The following PREX2 variants were observed in gnomAD, a reference collection of about 807,000 sequenced individuals.
The protein encoded by PREX2 is phosphatidylinositol 3,4,5-trisphosphate-dependent Rac exchanger 2 protein.
PREX2 carries 107 observed loss-of-function variants against 203.2 expected under a neutral mutation model. The observed-to-expected ratio is 0.53, with a 90% confidence interval of 0.45 to 0.62. The LOEUF (loss-of-function observed/expected upper bound fraction) is 0.62. Ranked by LOEUF, PREX2 falls within the 20% of genes least tolerant of loss-of-function variation. PREX2 has a pLI of 0.00. For missense variants in PREX2, 1,777 were observed against 1,955.9 expected (o/e 0.91, Z 1.72); for synonymous variants, 672 against 663.6 (o/e 1.01, Z -0.19).
chr8:67,952,297 C>A lies in PREX2; in HGVS notation c.-98C>A. ...CTCTCCTCGGAGTTGGCGGAGGCGGCAACTTTCCATTCTCGCCGCCGGGGG... is the reference window on the plus strand; with the variant it reads ...CTCTCCTCGGAGTTGGCGGAGGCGGAAACTTTCCATTCTCGCCGCCGGGGG... On this transcript the variant is annotated 5_prime_UTR_variant, in exon 1 of 40. Transcript: ENST00000288368. The A allele has an allele frequency of 9.1e-7, 1 of 1,097,892 alleles. No individual in the cohort carries two copies. Among genetic ancestry groups the A allele is most frequent in the Non-Finnish European group, 1.2e-6 (1 of 849,362 alleles). The allele number at this position is 1,097,892 out of a possible 1,614,324, so 68.0% of individuals were successfully genotyped here.
intron 34 of PREX2, among the ~76,000 whole-genome samples, chr8:68,156,099 C>A (rs545168496): frequency 6.6e-6 from 1 of 152,072 alleles, no homozygotes; most frequent in Admixed American, 6.6e-5. Context: ...CTTACTCTGT[C>A]CCCCAGACTG....
chr8:67,955,404 C>A (rs964038104), intron 1 of PREX2, among the ~76,000 whole-genome samples: 5 of 152,174 alleles, frequency 3.3e-5, no homozygotes, highest in Admixed American at 6.5e-5. Flanking sequence ...AGCTCTGTGT[C>A]TTCAGCTGGC....
At position 68,077,533 on chromosome 8, in the gene PREX2, C is replaced by A. The variant is rs533937046; in HGVS notation, c.1642+64C>A. On this transcript the variant is annotated intron_variant, in intron 15 of 39. Transcript: ENST00000288368. ...CATCACGTTGGTTCTTAGGATACTGCAACACCCAGTGCTGCAGTGAGGTCA... is the reference window on the plus strand; with the variant it reads ...CATCACGTTGGTTCTTAGGATACTGAAACACCCAGTGCTGCAGTGAGGTCA... 2.6e-6 allele frequency: 3 copies of A among 1,167,124 alleles called. No individual in the cohort carries two copies. The South Asian group carries it at 3.7e-5, about 14-fold the overall frequency. 72.3% of individuals were successfully genotyped at this position (1,167,124 alleles called of 1,614,324 possible). A position where few individuals can be genotyped will look rare whatever the true frequency, so the allele number is the denominator to read the frequency against.
intron 15 of PREX2, 92 bp from the exon 16 acceptor site, chr8:68,080,351 G>T: frequency 9.1e-7 from 1 of 1,096,420 alleles, no homozygotes; most frequent in Non-Finnish European, 1.4e-6. Context: ...GAGGTTATGG[G>T]TGCAGGTATT....
At chr8:68,129,262 A>T (rs1043851659) in intron 31 of PREX2, among the ~76,000 whole-genome samples, 1 of 152,166 alleles carries the variant, frequency 6.6e-6, no homozygotes, top group Non-Finnish European at 1.5e-5. Context: ...AGGTTTGCCA[A>T]TTCCGGAGGT....
chr8:68,190,360 T>C (rs531608898), intron 35 of PREX2, among the ~76,000 whole-genome samples: 2 of 152,210 alleles, frequency 1.3e-5, no homozygotes, highest in South Asian at 2.1e-4. Context: ...TTTAATGCCA[T>C]TGAACTGTAT....
At chr8:68,116,864 A>G (rs1810670341) in intron 26 of PREX2, among the ~76,000 whole-genome samples, 1 of 152,160 alleles carries the variant, frequency 6.6e-6, no homozygotes, top group African/African-American at 2.4e-5. Context: ...AAACTCTGTT[A>G]TTGTCTTCCT....
At chr8:67,958,949 G>A (rs145244551) in intron 1 of PREX2, among the ~76,000 whole-genome samples, 1 of 152,192 alleles carries the variant, frequency 6.6e-6, no homozygotes, top group Non-Finnish European at 1.5e-5. Flanking sequence ...AGATAAGAAT[G>A]TGGAACTTGA....
chr8:67,956,518 A>G (rs1327789754), intron 1 of PREX2, among the ~76,000 whole-genome samples: 4 of 152,206 alleles, frequency 2.6e-5, no homozygotes, highest in Admixed American at 2.6e-4. Flanking sequence ...TGAAAGAAAA[A>G]AGCTTTATAT....
chr8:68,119,619 A>G (rs1428972434), intron 28 of PREX2, 105 bp downstream of exon 28: 4 of 786,442 alleles, frequency 5.1e-6, no homozygotes, highest in South Asian at 4.7e-5. Flanking sequence ...AAAGGCCTCA[A>G]TCTGTCCTTC....
intron 38 of PREX2, among the ~76,000 whole-genome samples, chr8:68,222,322 A>G (rs977747974): frequency 6.6e-6 from 1 of 152,028 alleles, no homozygotes; most frequent in African/African-American, 2.4e-5. Flanking sequence ...AGTCTGGAAC[A>G]TCTTGAGGTG....
At chr8:68,158,203 T>G (rs1420589377) in intron 35 of PREX2, among the ~76,000 whole-genome samples, 2 of 151,304 alleles carry the variant, frequency 1.3e-5, no homozygotes, top group Non-Finnish European at 2.9e-5. Flanking sequence ...TCTTATGAAT[T>G]ACCCTGTTGA....
In PREX2 at chr8:68,224,582, G is replaced by A. The variant is rs756670148; in HGVS notation, c.4731G>A (p.Ala1577=). ...RKQGARVQNT[A]KNLGVRDRTP... is the part of the protein sequence containing the mutation. Reference sequence around the variant, plus strand: ...AGGGAGCAAGAGTTCAGAACACAGCGAAGAATTTGGGAGTCAGAGACCGGA... The same window carrying A: ...AGGGAGCAAGAGTTCAGAACACAGCAAAGAATTTGGGAGTCAGAGACCGGA... Residue 1577 remains alanine, a synonymous_variant, in exon 39 of 40, where the codon GCG becomes GCA. Coordinates refer to ENST00000288368, the MANE Select transcript of PREX2 (RefSeq NM_024870.4). The A allele has an allele frequency of 5.0e-6, 8 of 1,613,854 alleles. No homozygotes were observed. The highest frequency in any genetic ancestry group is 2.2e-5 in the East Asian group (1 of 44,848).
intron 35 of PREX2, among the ~76,000 whole-genome samples, chr8:68,162,218 TA>T (rs146061419): frequency 0.035 from 5,285 of 152,198 alleles, 225 homozygotes; most frequent in Admixed American, 0.098. Flanking sequence ...GTGAAAAACC[TA>T]AAAAGTAAGT....
chr8:68,081,245 A>C (rs1037643536), intron 17 of PREX2, among the ~76,000 whole-genome samples: 2 of 152,124 alleles, frequency 1.3e-5, no homozygotes, highest in Non-Finnish European at 2.9e-5. Context: ...TGCTCGGTTC[A>C]CAATTGGGTT....
intron 11 of PREX2, among the ~76,000 whole-genome samples, chr8:68,068,297 C>T (rs1339477546): frequency 1.3e-5 from 2 of 151,896 alleles, no homozygotes; most frequent in African/African-American, 4.8e-5. Context: ...TGGTAGAATT[C>T]ATCAGTGAAG....
intron 11 of PREX2, among the ~76,000 whole-genome samples, chr8:68,068,579 G>A (rs940544093): frequency 7.9e-5 from 12 of 152,006 alleles, no homozygotes; most frequent in Admixed American, 3.9e-4. Context: ...CAGATACGTG[G>A]TAAAATTCAT....
rs367903794 is a variant in PREX2 at position 68,134,294 on chromosome 8, C to G, written c.3984+18C>G. On this transcript the variant is annotated intron_variant, in intron 32 of 39. Coordinates refer to ENST00000288368, the MANE Select transcript of PREX2 (RefSeq NM_024870.4). ...CAAACTTGGTAAGGAAATCACATGA[C>G]TCCCACTGTCTGTGTCAACTGTAAC... 3.2e-6 allele frequency: 5 copies of G among 1,571,640 alleles called. No homozygotes were observed. The highest frequency in any genetic ancestry group is 3.5e-6 in the Non-Finnish European group (4 of 1,141,960).
chr8:68,175,808 T>C (rs1030263839), intron 35 of PREX2, among the ~76,000 whole-genome samples: 1 of 152,034 alleles, frequency 6.6e-6, no homozygotes, highest in African/African-American at 2.4e-5. Flanking sequence ...TCAAAATATA[T>C]AGTACATAAT....
Sources: allele counts gnomAD v4.1 joint callset (sites outside exome capture counted in the v4.1 genomes callset), GRCh38; gene constraint gnomAD v4.1.1; transcripts MANE v1.5; gene names NCBI Gene and HGNC (gene_info 2026-07-23, HGNC 2026-07-21).